Variants in SPATA13 observed in about 807,000 individuals in gnomAD.
SPATA13 encodes spermatogenesis associated 13, also known as spermatogenesis-associated protein 13.
SPATA13 carries 50 observed loss-of-function variants against 104.0 expected under a neutral mutation model. The ratio of observed to expected loss-of-function variants is 0.48; its 90% CI spans 0.38 to 0.61. The LOEUF (loss-of-function observed/expected upper bound fraction) is 0.61. Ranked by LOEUF, SPATA13 falls within the 20% of genes least tolerant of loss-of-function variation. SPATA13 has a pLI of 0.00. For synonymous variants in SPATA13, 606 were observed against 667.5 expected (o/e 0.91, Z 1.42); for missense variants, 1,524 against 1,690.6 (o/e 0.90, Z 1.73).
chr13:24,102,009 T>C (rs544558724), intron 3 of SPATA13, among the ~76,000 whole-genome samples: 28 of 152,202 alleles, frequency 1.8e-4, no homozygotes, highest in Non-Finnish European at 4.0e-4. Context: ...GAAGTAGGAT[T>C]GTTGGATCAT....
intron 3 of SPATA13, among the ~76,000 whole-genome samples, chr13:24,143,248 G>A (rs541170228): frequency 3.3e-5 from 5 of 152,268 alleles, no homozygotes; most frequent in South Asian, 2.1e-4. Flanking sequence ...AAGTCTAGAC[G>A]GAAGCCCCTG....
In SPATA13 at chr13:24,040,491, T is replaced by C. The variant is rs555623418; in HGVS notation, c.-112+22790T>C. Among the ~76,000 whole-genome samples the C allele has an allele frequency of 2.1e-4, 32 of 152,272 alleles. 1 individual carries two copies. In the East Asian group the frequency reaches 5.8e-3, roughly 28 times the overall value. On this transcript the variant is annotated intron_variant, in intron 3 of 14. Transcript: ENST00000424834. ...GAAACCAGGTGTAACTACACTTTTG[T>C]GTTCTACAGACACACAGATGGGGTT...
intron 2 of SPATA13, among the ~76,000 whole-genome samples, chr13:24,245,600 T>C (rs1873086858): frequency 6.8e-6 from 1 of 147,536 alleles, no homozygotes; most frequent in Non-Finnish European, 1.5e-5. Flanking sequence ...TTTTTTTTTT[T>C]TTTTTTTTAG....
At chr13:24,027,252 A>G (rs1394773291) in intron 3 of SPATA13, among the ~76,000 whole-genome samples, 1 of 147,046 alleles carries the variant, frequency 6.8e-6, no homozygotes, top group East Asian at 2.1e-4. Flanking sequence ...CTCCTGCCTC[A>G]GCCTCCCAGG....
At chr13:24,245,680 C>A (rs1873094906) in intron 2 of SPATA13, among the ~76,000 whole-genome samples, 1 of 150,464 alleles carries the variant, frequency 6.6e-6, no homozygotes, top group Non-Finnish European at 1.5e-5. Flanking sequence ...CAGCCTCCAC[C>A]TCCTAGGCTC....
intron 3 of SPATA13, among the ~76,000 whole-genome samples, chr13:24,052,851 C>CCCCCCCCGCCCCCCGCCCCCCCG (rs1199396437): frequency 1.5e-5 from 2 of 132,966 alleles, no homozygotes; most frequent in African/African-American, 5.4e-5. Context: ...GCCACTGTGC[C>CCCCCCCCGCCCCCCGCCCCCCCG]CTGCCCACCA....
intron 1 of SPATA13, among the ~76,000 whole-genome samples, chr13:24,173,572 T>G (rs1243733208): frequency 6.6e-6 from 1 of 150,624 alleles, no homozygotes; most frequent in Admixed American, 6.7e-5. Flanking sequence ...CCATGAAGCA[T>G]AATGTTAGCT....
chr13:24,102,298 A>G (rs1880282088), intron 3 of SPATA13, among the ~76,000 whole-genome samples: 1 of 152,134 alleles, frequency 6.6e-6, no homozygotes, highest in Non-Finnish European at 1.5e-5. Context: ...ATGCCTATCC[A>G]AGTCCTTTAT....
At chr13:24,218,024 A>G (rs1871352847) in intron 1 of SPATA13, among the ~76,000 whole-genome samples, 1 of 152,246 alleles carries the variant, frequency 6.6e-6, no homozygotes, top group South Asian at 2.1e-4. Flanking sequence ...TCGCAAAGGC[A>G]TGGTGGTGTG....
At chr13:24,278,910 T>TTCCG in intron 4 of SPATA13, 1 of 1,215,974 alleles carries the variant, frequency 8.2e-7, no homozygotes, top group Non-Finnish European at 1.1e-6. Context: ...CCTTCCTTCC[T>TTCCG]TCCTTCCTTC....
chr13:24,047,121 G>A (rs1445186388), intron 3 of SPATA13, among the ~76,000 whole-genome samples: 4 of 152,152 alleles, frequency 2.6e-5, no homozygotes, highest in East Asian at 1.9e-4. Context: ...ACCTCAAGGC[G>A]GGGTCCACAG....
intron 1 of SPATA13, among the ~76,000 whole-genome samples, chr13:24,202,388 C>T (rs1404366732): frequency 6.6e-6 from 1 of 152,056 alleles, no homozygotes; most frequent in Non-Finnish European, 1.5e-5. Context: ...TGCCCACAGT[C>T]GTAAAGGACA....
At chr13:24,186,835 C>T (rs1038594090) in intron 1 of SPATA13, among the ~76,000 whole-genome samples, 5 of 152,104 alleles carry the variant, frequency 3.3e-5, no homozygotes, top group Admixed American at 2.0e-4. Flanking sequence ...GATTGGAAAT[C>T]CTAGTGTGTT....
chr13:24,089,547 G>A (rs1482364445), intron 3 of SPATA13, among the ~76,000 whole-genome samples: 1 of 152,162 alleles, frequency 6.6e-6, no homozygotes, highest in Non-Finnish European at 1.5e-5. Context: ...CTCTGGGCTA[G>A]GGCAATCAGT....
chr13:24,258,613 G>A (rs1250261669), intron 4 of SPATA13, among the ~76,000 whole-genome samples: 3 of 151,536 alleles, frequency 2.0e-5, no homozygotes, highest in South Asian at 2.1e-4. Flanking sequence ...AGGTTGCAGC[G>A]GGCCAAGATC....
intron 1 of SPATA13, among the ~76,000 whole-genome samples, chr13:23,982,193 C>T (rs1874933840): frequency 6.6e-6 from 1 of 152,016 alleles, no homozygotes; most frequent in Non-Finnish European, 1.5e-5. Flanking sequence ...TCTTACTTTC[C>T]ACTTGCAGCC....
chr13:24,245,588 T>C (rs868395495), intron 2 of SPATA13, among the ~76,000 whole-genome samples: 5 of 93,898 alleles, frequency 5.3e-5, no homozygotes, highest in South Asian at 4.6e-4. Flanking sequence ...TTGTTTCTTT[T>C]TTTTTTTTTT....
chr13:24,117,739 CT>C (rs1880899711), intron 3 of SPATA13, among the ~76,000 whole-genome samples: 1 of 152,308 alleles, frequency 6.6e-6, no homozygotes, highest in South Asian at 2.1e-4. Context: ...TCCCAGGACA[CT>C]GCAGTGGCCT....
At chr13:23,985,383 G>A (rs1282137431) in intron 2 of SPATA13, among the ~76,000 whole-genome samples, 2 of 152,260 alleles carry the variant, frequency 1.3e-5, no homozygotes, top group South Asian at 2.1e-4. Context: ...AACGGCTGAT[G>A]TGGGGGCTCA....
Sources: allele counts gnomAD v4.1 joint callset (sites outside exome capture counted in the v4.1 genomes callset), GRCh38; gene constraint gnomAD v4.1.1; transcripts MANE v1.5; gene names NCBI Gene and HGNC (gene_info 2026-07-23, HGNC 2026-07-21).